The following IQUB variants were observed in gnomAD, a reference collection of about 807,000 sequenced individuals.
IQUB encodes the protein IQ motif and ubiquitin-like domain-containing protein.
Under a neutral mutation model 86.4 loss-of-function variants are expected in IQUB, and 86 were observed. The ratio of observed to expected loss-of-function variants is 1.00; its 90% CI spans 0.84 to 1.19. The LOEUF (loss-of-function observed/expected upper bound fraction) is 1.19, where lower values mean the gene tolerates loss of function less well. IQUB is among the 50% of genes most tolerant of loss of function. IQUB has a pLI of 0.00. For missense variants in IQUB, 946 were observed against 916.9 expected, an observed-to-expected ratio of 1.03 and a Z score of -0.41; for synonymous variants, 289 against 304.5, an observed-to-expected ratio of 0.95 and a Z score of 0.53.
Position 123,503,897 on chromosome 7 carries a change from C to T in IQUB, c.533-534G>A, listed in dbSNP as rs536845539. Among the ~76,000 whole-genome samples the T allele has an allele frequency of 4.9e-4, 75 of 152,046 alleles. 1 individual carries two copies. Among genetic ancestry groups the T allele is most frequent in the African/African-American group, 1.8e-3 (74 of 41,474 alleles). ...CGGCATTATAAATAACACTACATTA[C>T]TCTCAGTTCATCAGGAATATAAATA... On this transcript the variant is annotated intron_variant, in intron 3 of 12. Coordinates refer to ENST00000324698, the MANE Select transcript of IQUB (RefSeq NM_178827.5).
At chr7:123,460,713 C>T (rs1793938076) in intron 11 of IQUB, among the ~76,000 whole-genome samples, 1 of 151,898 alleles carries the variant, frequency 6.6e-6, no homozygotes, top group Non-Finnish European at 1.5e-5. Flanking sequence ...CACAGACTAT[C>T]CTCTGGCCTA....
At position 123,496,894 on chromosome 7, in the gene IQUB, G is replaced by A; in HGVS notation, c.1036C>T (p.Gln346Ter). 6.2e-7 allele frequency: 1 copy of A among 1,605,626 alleles called. No individual in the cohort carries two copies. ...GCATGCCATTGCCTGTAGTAAGTCTGTATCACTATCACCTATAGTTAAATT... is the reference window on the plus strand; with the variant it reads ...GCATGCCATTGCCTGTAGTAAGTCTATATCACTATCACCTATAGTTAAATT... ...AQRLKAVIVI[Q>*]TYYRQWHAKI... The change falls in exon 7 of 13, where the codon CAG becomes TAG. Residue 346 changes from glutamine (Q) to a stop codon, truncating the protein, a stop_gained. Transcript: ENST00000324698. LOFTEE classifies it high-confidence loss of function.
Position 123,496,972 on chromosome 7 carries a change from AATG to A in IQUB, c.1024-69_1024-67del, listed in dbSNP as rs542687167. 11 of 937,962 alleles carry A rather than the reference AATG, an allele frequency of 1.2e-5. No individual in the cohort carries two copies. In the East Asian group the frequency reaches 2.6e-4, roughly 22 times the overall value. The allele number at this position is 937,962 out of a possible 1,614,324, so 58.1% of individuals were successfully genotyped here. A position where few individuals can be genotyped will look rare whatever the true frequency, so the allele number is the denominator to read the frequency against. On this transcript the variant is annotated intron_variant, in intron 6 of 12. Transcript: ENST00000324698. The stretch of plus-strand genomic sequence containing the variant: ...AACTTTTTGATCAGACAATAAAGGC[AATG>A]ATGATTATTTCAATTCCAATTCCAC...
chr7:123,456,993 G>A (rs2116940382), intron 12 of IQUB: 1 of 173,928 alleles, frequency 5.7e-6, no homozygotes, highest in East Asian at 1.9e-4. Flanking sequence ...ATACCTATCT[G>A]GTGGTAATGC....
chr7:123,479,744 A>AT (rs764464990), intron 8 of IQUB, 51 bp downstream of exon 8: 2 of 1,349,746 alleles, frequency 1.5e-6, no homozygotes, highest in Non-Finnish European at 2.1e-6. Flanking sequence ...ATTATTCTAC[A>AT]TTTTTTAACT....
chr7:123,461,341 C>T lies in IQUB; in HGVS notation c.2007+16G>A, dbSNP rs760111099. The T allele has an allele frequency of 6.9e-6, 11 of 1,583,774 alleles. No homozygotes were observed. The South Asian group carries it at 1.0e-4, about 15-fold the overall frequency. On this transcript the variant is annotated intron_variant, in intron 11 of 12. Coordinates refer to ENST00000324698, the MANE Select transcript of IQUB (RefSeq NM_178827.5). ...GACAAGCTTCAGCTATAATTGGCAC[C>T]CCTTATTGACCATACCTGCATCAAG...
In IQUB at chr7:123,503,255, C is replaced by A. The variant is rs745999322; in HGVS notation, c.641G>T (p.Arg214Ile). 28 of 1,611,810 alleles carry A rather than the reference C, an allele frequency of 1.7e-5. No individual in the cohort carries two copies. Among genetic ancestry groups the A allele is most frequent in the Non-Finnish European group, 2.1e-5 (25 of 1,178,348 alleles). Residue 214 changes from arginine (R) to isoleucine (I), a missense_variant, in exon 4 of 13, where the codon AGA becomes ATA. Transcript: ENST00000324698. ...AGAGACATCAGTTAATCCATCTATTCTTCTGACTGGATACAGATCTGGATT... is the reference window on the plus strand; with the variant it reads ...AGAGACATCAGTTAATCCATCTATTATTCTGACTGGATACAGATCTGGATT... ...STNPDLYPVR[R>I]IDGLTDVSQI...
At chr7:123,516,678 G>A (rs1272340487) in intron 1 of IQUB, among the ~76,000 whole-genome samples, 3 of 152,160 alleles carry the variant, frequency 2.0e-5, no homozygotes, top group Admixed American at 6.6e-5. Context: ...TGGGGGGCAA[G>A]GTGAGTAGGA....
At chr7:123,473,716 C>G (rs1285594351) in intron 8 of IQUB, among the ~76,000 whole-genome samples, 2 of 150,814 alleles carry the variant, frequency 1.3e-5, no homozygotes, top group South Asian at 4.2e-4. Context: ...GCTGGGATTA[C>G]AGGCACCCGC....
chr7:123,479,775 A>G lies in IQUB; in HGVS notation c.1410+20T>C, dbSNP rs767910842. On this transcript the variant is annotated intron_variant, in intron 8 of 12. Transcript: ENST00000324698. ...TAACTCAGAATACATTCATATTTAA[A>G]TAGTAGTCACTTCACTAACCTTATC... The G allele has an allele frequency of 6.4e-7, 1 of 1,568,898 alleles. No homozygotes were observed.
intron 1 of IQUB, among the ~76,000 whole-genome samples, chr7:123,522,641 T>C (rs1192602559): frequency 6.6e-6 from 1 of 152,170 alleles, no homozygotes; most frequent in African/African-American, 2.4e-5. Context: ...CTAATGATAA[T>C]TATACATTAA....
chr7:123,452,692 C>CTATT lies in IQUB; in HGVS notation c.*47_*50dup, dbSNP rs1563420848. On this transcript the variant is annotated 3_prime_UTR_variant, in exon 13 of 13. Coordinates refer to ENST00000324698, the MANE Select transcript of IQUB (RefSeq NM_178827.5). ...CATACTCTGTGACCTCTGTATTACC[C>CTATT]TATTAGCAGTGAACAAAATGCCGAT... 7.8e-7 allele frequency: 1 copy of CTATT among 1,282,178 alleles called. No individual in the cohort carries two copies. Among genetic ancestry groups the CTATT allele is most frequent in the African/African-American group, 1.5e-5 (1 of 67,736 alleles). 79.4% of individuals were successfully genotyped at this position (1,282,178 alleles called of 1,614,324 possible). A position where few individuals can be genotyped will look rare whatever the true frequency, so the allele number is the denominator to read the frequency against.
At chr7:123,512,394 C>T (rs779865473) in intron 1 of IQUB, 50 bp from the exon 2 acceptor site, 62 of 1,142,688 alleles carry the variant, frequency 5.4e-5, no homozygotes, top group Non-Finnish European at 7.6e-5. Flanking sequence ...AGTTTCTACA[C>T]AAAAAATCAA....
chr7:123,472,311 C>T (rs1678860370), intron 8 of IQUB, among the ~76,000 whole-genome samples: 3 of 151,868 alleles, frequency 2.0e-5, no homozygotes, highest in African/African-American at 4.8e-5. Context: ...TCATGTAGTT[C>T]TATATATCTC....
At chr7:123,494,017 C>A (rs1795605977) in intron 7 of IQUB, among the ~76,000 whole-genome samples, 1 of 151,824 alleles carries the variant, frequency 6.6e-6, no homozygotes, top group Non-Finnish European at 1.5e-5. Flanking sequence ...TTTTGAAAAA[C>A]AAACAAAAAA....
chr7:123,457,120 C>A, intron 12 of IQUB: 1 of 955,168 alleles, frequency 1.0e-6, no homozygotes, highest in Non-Finnish European at 1.2e-6. Context: ...TGGAATTTAC[C>A]GTGGAATGTG....
intron 8 of IQUB, among the ~76,000 whole-genome samples, chr7:123,470,482 G>T (rs191279877): frequency 6.6e-5 from 10 of 152,230 alleles, no homozygotes; most frequent in Admixed American, 1.3e-4. Context: ...AGGTTTAAAT[G>T]GAAGCTCTAT....
chr7:123,503,195 A>G lies in IQUB; in HGVS notation c.694+7T>C. 1 of 1,608,914 alleles carries G rather than the reference A, an allele frequency of 6.2e-7. No individual in the cohort carries two copies. Among genetic ancestry groups the G allele is most frequent in the South Asian group, 1.1e-5 (1 of 90,092 alleles). On this transcript the variant is annotated splice_region_variant and intron_variant, in intron 4 of 12. Transcript: ENST00000324698. ...ATACTTTATCTAAAAGACATCAAATAACGAACCAGTTTGGACAGTGACAGT... is the reference window on the plus strand; with the variant it reads ...ATACTTTATCTAAAAGACATCAAATGACGAACCAGTTTGGACAGTGACAGT...
At position 123,461,346 on chromosome 7, in the gene IQUB, A is replaced by T; in HGVS notation, c.2007+11T>A. On this transcript the variant is annotated intron_variant, in intron 11 of 12. Coordinates refer to ENST00000324698, the MANE Select transcript of IQUB (RefSeq NM_178827.5). Reference sequence around the variant, plus strand: ...GCTTCAGCTATAATTGGCACCCCTTATTGACCATACCTGCATCAAGAAAGC... The same window carrying T: ...GCTTCAGCTATAATTGGCACCCCTTTTTGACCATACCTGCATCAAGAAAGC... The T allele has an allele frequency of 1.3e-6, 2 of 1,594,572 alleles. No individual in the cohort carries two copies. The highest frequency in any genetic ancestry group is 2.2e-5 in the South Asian group (2 of 89,824).
Sources: allele counts gnomAD v4.1 joint callset (sites outside exome capture counted in the v4.1 genomes callset), GRCh38; gene constraint gnomAD v4.1.1; transcripts MANE v1.5; gene names NCBI Gene and HGNC (gene_info 2026-07-23, HGNC 2026-07-21).